ZFHX3: variants seen among roughly 807,000 people sequenced by gnomAD.
ZFHX3 encodes zinc finger homeobox protein 3.
ZFHX3 carries 42 observed loss-of-function variants against 279.1 expected under a neutral mutation model. The ratio of observed to expected loss-of-function variants is 0.15; its 90% CI spans 0.12 to 0.19. The LOEUF (loss-of-function observed/expected upper bound fraction) is 0.19. ZFHX3 is among the 10% of genes least tolerant of loss of function. The pLI is 1.00. For synonymous variants in ZFHX3, 2,293 were observed against 1,957.8 expected (o/e 1.17, Z -4.52); for missense variants, 4,981 against 4,754.0 (o/e 1.05, Z -1.40).
chr16:73,230,091 A>T (rs565304924), intron 5 of ZFHX3, among the ~76,000 whole-genome samples: 1 of 152,236 alleles, frequency 6.6e-6, no homozygotes, highest in Non-Finnish European at 1.5e-5. Flanking sequence ...ATATTCATAG[A>T]TCAATACATG....
intron 4 of ZFHX3, among the ~76,000 whole-genome samples, chr16:72,840,852 C>A (rs960178774): frequency 5.9e-5 from 9 of 152,156 alleles, no homozygotes; most frequent in African/African-American, 1.9e-4. Flanking sequence ...TAAGCTGATT[C>A]ATAAAAACAA....
At chr16:73,320,131 A>T (rs1438816213) in intron 3 of ZFHX3, among the ~76,000 whole-genome samples, 1 of 152,204 alleles carries the variant, frequency 6.6e-6, no homozygotes, top group Non-Finnish European at 1.5e-5. Flanking sequence ...TCACTATGAA[A>T]AGAAAGACCC....
At chr16:72,918,788 C>T (rs937518773) in intron 3 of ZFHX3, among the ~76,000 whole-genome samples, 6 of 151,872 alleles carry the variant, frequency 4.0e-5, no homozygotes, top group African/African-American at 7.2e-5. Context: ...CTCTGCCTCC[C>T]GCGTTCACAC....
At chr16:73,400,427 G>A (rs1394988624) in intron 3 of ZFHX3, 2 of 152,180 alleles carry the variant, frequency 1.3e-5, no homozygotes, top group African/African-American at 4.8e-5. Flanking sequence ...AGGAAGAGCT[G>A]AACCATTCCC....
chr16:72,891,723 C>T (rs1368619741), intron 3 of ZFHX3, among the ~76,000 whole-genome samples: 1 of 152,158 alleles, frequency 6.6e-6, no homozygotes, highest in Non-Finnish European at 1.5e-5. Context: ...AAATTCAGGT[C>T]ATGTGAGTGC....
chr16:73,001,151 C>T (rs1283134410), intron 1 of ZFHX3, among the ~76,000 whole-genome samples: 2 of 152,228 alleles, frequency 1.3e-5, no homozygotes, highest in Non-Finnish European at 2.9e-5. Context: ...TAGTCATCTG[C>T]ACCCTTCTCC....
At chr16:72,992,878 T>C (rs1448884148) in intron 1 of ZFHX3, among the ~76,000 whole-genome samples, 2 of 152,218 alleles carry the variant, frequency 1.3e-5, no homozygotes, top group Admixed American at 6.5e-5. Flanking sequence ...GGCCCCTGCC[T>C]ATAATCCTAG....
intron 3 of ZFHX3, among the ~76,000 whole-genome samples, chr16:72,904,658 C>T (rs932918288): frequency 2.0e-5 from 3 of 152,114 alleles, no homozygotes; most frequent in Admixed American, 2.0e-4. Context: ...GGGAAACCCT[C>T]CCAGATAACT....
chr16:72,830,177 G>C (rs528089581), intron 4 of ZFHX3, among the ~76,000 whole-genome samples: 1 of 152,364 alleles, frequency 6.6e-6, no homozygotes, highest in South Asian at 2.1e-4. Context: ...GGTTGAAGCA[G>C]TAACTCCACC....
rs114184882 is a variant in ZFHX3, at chr16:73,561,461, C to G, written c.-1546-105203G>C. On this transcript the variant is annotated intron_variant, in intron 2 of 17. Transcript: ENST00000641206. ...TAACAAGAGTTAAATACTTACATATCAAATTTAATTAGCTCAAACCCTTAA... is the reference window on the plus strand; with the variant it reads ...TAACAAGAGTTAAATACTTACATATGAAATTTAATTAGCTCAAACCCTTAA... Among the ~76,000 whole-genome samples, 292 of 152,278 alleles carry G rather than the reference C, an allele frequency of 1.9e-3. 3 individuals carry two copies. The highest frequency in any genetic ancestry group is 6.8e-3 in the African/African-American group (284 of 41,550).
intron 5 of ZFHX3, among the ~76,000 whole-genome samples, chr16:73,147,973 T>C (rs1966874926): frequency 6.6e-6 from 1 of 152,158 alleles, no homozygotes; most frequent in Non-Finnish European, 1.5e-5. Context: ...AGCAAGAAAG[T>C]CCAGTATCTA....
At chr16:72,989,843 G>C (rs1260172427) in intron 1 of ZFHX3, among the ~76,000 whole-genome samples, 2 of 152,164 alleles carry the variant, frequency 1.3e-5, no homozygotes, top group Admixed American at 6.5e-5. Context: ...AGTTATATGT[G>C]GGGAAGTGGT....
At chr16:73,117,936 G>A (rs973522041) in intron 7 of ZFHX3, among the ~76,000 whole-genome samples, 6 of 152,184 alleles carry the variant, frequency 3.9e-5, no homozygotes, top group African/African-American at 7.2e-5. Flanking sequence ...GGACTTCCCA[G>A]CCTCCAGAAC....
intron 7 of ZFHX3, among the ~76,000 whole-genome samples, chr16:73,104,337 T>G (rs1477260622): frequency 1.3e-5 from 2 of 152,132 alleles, no homozygotes; most frequent in African/African-American, 4.8e-5. Flanking sequence ...CTCAAGTGAT[T>G]CTGGTGCCTC....
chr16:73,410,448 C>T (rs140330380), intron 3 of ZFHX3, among the ~76,000 whole-genome samples: 407 of 152,222 alleles, frequency 2.7e-3, no homozygotes, highest in Non-Finnish European at 4.3e-3. Context: ...AACAAAACTA[C>T]AAGAGTACGA....
chr16:72,859,236 T>C (rs909344226), intron 4 of ZFHX3, among the ~76,000 whole-genome samples: 3 of 152,212 alleles, frequency 2.0e-5, no homozygotes, highest in Admixed American at 6.5e-5. Context: ...GCAGCCCACA[T>C]AAACAAACTG....
intron 2 of ZFHX3, among the ~76,000 whole-genome samples, chr16:73,510,848 T>G (rs951829452): frequency 2.0e-5 from 3 of 152,210 alleles, no homozygotes. Flanking sequence ...ACAAAATCCT[T>G]AAAGAAAGAC....
intron 1 of ZFHX3, among the ~76,000 whole-genome samples, chr16:73,695,780 A>G (rs983779118): frequency 6.6e-6 from 1 of 152,148 alleles, no homozygotes; most frequent in African/African-American, 2.4e-5. Flanking sequence ...GTGCTCAGGA[A>G]GTGCCTGATC....
chr16:73,031,392 G>A (rs1201401272), intron 1 of ZFHX3, among the ~76,000 whole-genome samples: 1 of 152,156 alleles, frequency 6.6e-6, no homozygotes, highest in Admixed American at 6.5e-5. Flanking sequence ...AGTAACTCTA[G>A]GGGGCAGGTC....
Sources: gnomAD v4.1 joint callset for allele counts (sites outside exome capture counted in the v4.1 genomes callset) on GRCh38, gnomAD v4.1.1 for gene constraint, MANE v1.5 for transcripts, NCBI Gene and HGNC (gene_info 2026-07-23, HGNC 2026-07-21) for gene names.